Variants in BYSL observed in about 807,000 individuals in gnomAD.
BYSL encodes bystin.
In BYSL, 21 loss-of-function variants were observed where a neutral mutation model predicts 45.4. That is an observed-to-expected ratio of 0.46 (90% CI 0.33 to 0.67). The LOEUF is 0.67. Among genes scored for constraint, BYSL ranks in the 30% least tolerant of loss-of-function variants. The probability of loss-of-function intolerance (pLI) is 0.02; values close to 1 mark genes in which losing one functional copy is unlikely to be tolerated. For missense variants in BYSL, 522 were observed against 578.5 expected (o/e 0.90, Z 1.00); for synonymous variants, 215 against 231.3 (o/e 0.93, Z 0.64).
rs946138043 is a variant in BYSL at position 41,932,923 on chromosome 6, G to A, written c.*217G>A. On this transcript the variant is annotated 3_prime_UTR_variant, in exon 7 of 7. Transcript: ENST00000230340. This position sits in a 1 kb window ranked among gnomAD's most constrained non-coding sequence, Gnocchi z 4.7. ...GGCCCTTATCCCTGTTTAGTTCTGA[G>A]AGCCAACTTGAGATACCATATGCTA... The A allele has an allele frequency of 5.4e-6, 3 of 560,412 alleles. No homozygotes were observed. Among genetic ancestry groups the A allele is most frequent in the South Asian group, 2.4e-5 (1 of 40,874 alleles). The allele number at this position is 560,412 out of a possible 1,614,324, so 34.7% of individuals were successfully genotyped here. A position where few individuals can be genotyped will look rare whatever the true frequency, so the allele number is the denominator to read the frequency against.
At chr6:41,909,179 A>C in the BYSL span, 7 of 1,511,738 alleles carry the variant, frequency 4.6e-6, no homozygotes, top group Admixed American at 1.3e-4. Context: ...GTCTCAAAAA[A>C]AAAAAAAGAG....
rs556055188 is a variant in BYSL, at chr6:41,925,659, G to A, written c.269-1715G>A. On this transcript the variant is annotated intron_variant, in intron 1 of 6. Coordinates refer to ENST00000230340, the MANE Select transcript of BYSL (RefSeq NM_004053.4). ...ATTACAGGCGTGAGCCACCGCGCCCGGCCTATTTATTTTTATTTATTTATT... is the reference window on the plus strand; with the variant it reads ...ATTACAGGCGTGAGCCACCGCGCCCAGCCTATTTATTTTTATTTATTTATT... 4.9e-4 allele frequency among the ~76,000 whole-genome samples: 72 copies of A among 146,628 alleles called. 1 individual carries two copies. Among genetic ancestry groups the A allele is most frequent in the Non-Finnish European group, 8.4e-4 (56 of 66,310 alleles).
intron 2 of BYSL, among the ~76,000 whole-genome samples, chr6:41,929,847 A>T (rs1196510801): frequency 2.0e-5 from 3 of 152,216 alleles, no homozygotes; most frequent in Non-Finnish European, 4.4e-5. Flanking sequence ...GTGAGCCAGG[A>T]TTTGAACCTG....
Position 41,932,398 on chromosome 6 carries a change from G to A in BYSL, c.1006G>A (p.Gly336Ser), listed in dbSNP as rs985443508. 6.8e-6 allele frequency: 11 copies of A among 1,613,222 alleles called. 1 individual carries two copies. Among genetic ancestry groups the A allele is most frequent in the South Asian group, 5.5e-5 (5 of 91,076 alleles). Residue 336 changes from glycine (G) to serine (S), a missense_variant, in exon 7 of 7, where the codon GGT becomes AGT. Transcript: ENST00000230340. This position sits in a 1 kb window ranked among gnomAD's most constrained non-coding sequence, Gnocchi z 4.7. The stretch of plus-strand genomic sequence containing the variant: ...GAAAATTGCTGAGATGGAATACAGC[G>A]GTGCCAACAGCATCTTCCTGCGACT... Reference protein sequence around the residue: ...MLKIAEMEYSGANSIFLRLLL... With the variant: ...MLKIAEMEYSSANSIFLRLLL...
upstream of BYSL, among the ~76,000 whole-genome samples, chr6:41,918,222 T>A (rs112423500): frequency 8.9e-3 from 1,358 of 152,174 alleles, 27 homozygotes; most frequent in African/African-American, 0.031. Flanking sequence ...ATGAGGAAAC[T>A]GCCGGGCATG....
chr6:41,917,828 G>A, upstream of BYSL: 1 of 469,490 alleles, frequency 2.1e-6, no homozygotes, highest in Non-Finnish European at 4.4e-6. Flanking sequence ...CAGCACAGTA[G>A]CCCAGAGCCA....
chr6:41,928,134 A>T (rs1303889064), intron 2 of BYSL, among the ~76,000 whole-genome samples: 1 of 152,164 alleles, frequency 6.6e-6, no homozygotes, highest in Non-Finnish European at 1.5e-5. Flanking sequence ...ATTTATTCCC[A>T]TCTATAATAA....
At chr6:41,913,107 CAAA>C in the BYSL span, 8 of 83,384 alleles carry the variant, frequency 9.6e-5, no homozygotes, top group Admixed American at 1.3e-4. Context: ...GACCCTGTCT[CAAA>C]AAAAAAAAAA....
At chr6:41,916,940 C>A (rs1229466287), upstream of BYSL, 2 of 1,613,782 alleles carry the variant, frequency 1.2e-6, no homozygotes, top group African/African-American at 2.7e-5. Context: ...CTGGGACACA[C>A]TGGAAAGGAG....
At position 41,928,831 on chromosome 6, in the gene BYSL, G is replaced by A. The variant is rs118025884; in HGVS notation, c.431+1295G>A. On this transcript the variant is annotated intron_variant, in intron 2 of 6. Coordinates refer to ENST00000230340, the MANE Select transcript of BYSL (RefSeq NM_004053.4). ...AACCTGAGGCCCAGTTCCCATGTCT[G>A]CATAAGTTTCCGTGTCCTATAAGTG... Among the ~76,000 whole-genome samples the A allele has an allele frequency of 2.8e-4, 42 of 152,308 alleles. No homozygotes were observed. In the East Asian group the frequency reaches 7.5e-3, roughly 27 times the overall value.
the BYSL span, chr6:41,908,942 G>T: frequency 1.6e-5 from 6 of 375,986 alleles, no homozygotes; most frequent in Middle Eastern, 6.8e-4. Flanking sequence ...CAGCACTTTG[G>T]GGGGCTGAGA....
At position 41,932,909 on chromosome 6, in the gene BYSL, CTGTT is replaced by C. The variant is rs1292265849; in HGVS notation, c.*205_*208del. 1 of 597,472 alleles carries C rather than the reference CTGTT, an allele frequency of 1.7e-6. No homozygotes were observed. Among genetic ancestry groups the C allele is most frequent in the African/African-American group, 1.9e-5 (1 of 53,764 alleles). The allele number at this position is 597,472 out of a possible 1,614,324, so 37.0% of individuals were successfully genotyped here. A position where few individuals can be genotyped will look rare whatever the true frequency, so the allele number is the denominator to read the frequency against. On this transcript the variant is annotated 3_prime_UTR_variant, in exon 7 of 7. Transcript: ENST00000230340. The surrounding 1 kb of genome is among the most constrained non-coding windows in gnomAD (Gnocchi z 4.7). ...CCTCTTCCATTCTAGGCCCTTATCC[CTGTT>C]TAGTTCTGAGAGCCAACTTGAGATA...
upstream of BYSL, among the ~76,000 whole-genome samples, chr6:41,920,359 C>G (rs1442375563): frequency 6.6e-6 from 1 of 152,086 alleles, no homozygotes; most frequent in African/African-American, 2.4e-5. Flanking sequence ...GAGGGAAGAG[C>G]AGGCGAAAAT....
chr6:41,921,291 C>T (rs946177010), upstream of BYSL: 1 of 604,940 alleles, frequency 1.7e-6, no homozygotes, highest in Non-Finnish European at 2.8e-6. Context: ...TCTAGGCCTA[C>T]ATCCATGAAG....
chr6:41,920,256 T>C (rs1775425437), upstream of BYSL, among the ~76,000 whole-genome samples: 1 of 152,200 alleles, frequency 6.6e-6, no homozygotes, highest in South Asian at 2.1e-4. Context: ...CATGATCTCC[T>C]TATTATCAAT....
At position 41,924,154 on chromosome 6, in the gene BYSL, G is replaced by A. The variant is rs1054488626; in HGVS notation, c.268+2324G>A. 6.6e-5 allele frequency among the ~76,000 whole-genome samples: 10 copies of A among 150,768 alleles called. No individual in the cohort carries two copies. In the East Asian group the frequency reaches 1.8e-3, roughly 27 times the overall value. ...CGGCTCACTGCAACCTCCACCTCCC[G>A]GGTTCAAGCGATTCTCCTGCCTCAG... On this transcript the variant is annotated intron_variant, in intron 1 of 6. Transcript: ENST00000230340.
At chr6:41,928,127 T>C (rs1775589121) in intron 2 of BYSL, among the ~76,000 whole-genome samples, 1 of 152,182 alleles carries the variant, frequency 6.6e-6, no homozygotes, top group African/African-American at 2.4e-5. Flanking sequence ...ACCACTAATT[T>C]ATTCCCATCT....
At chr6:41,923,672 G>A (rs77491476) in intron 1 of BYSL, among the ~76,000 whole-genome samples, 2 of 152,102 alleles carry the variant, frequency 1.3e-5, no homozygotes, top group Non-Finnish European at 2.9e-5. Flanking sequence ...GGGCTCAAAC[G>A]ACCCTCCCTG....
Position 41,930,666 on chromosome 6 carries a change from C to G in BYSL, c.602C>G (p.Pro201Arg), listed in dbSNP as rs1280941098. 1 of 1,613,556 alleles carries G rather than the reference C, an allele frequency of 6.2e-7. No homozygotes were observed. The highest frequency in any genetic ancestry group is 1.1e-5 in the South Asian group (1 of 90,992). The change falls in exon 4 of 7, where the codon CCC (proline) becomes CGC (arginine). Residue 201 changes from proline to arginine, a missense_variant. By Grantham distance (103) the Pro-to-Arg change is moderately radical (BLOSUM62 -2). Coordinates refer to ENST00000230340, the MANE Select transcript of BYSL (RefSeq NM_004053.4). ...TCTAAGTACCGCAGTGGAAAACTGC[C>G]CAAGGCATTTAAGATCATCCCTGCA... ...VLSKYRSGKL[P>R]KAFKIIPALS...
Sources: allele counts gnomAD v4.1 joint callset (sites outside exome capture counted in the v4.1 genomes callset), GRCh38; gene constraint gnomAD v4.1.1; non-coding constraint Gnocchi (gnomAD v3.1); transcripts MANE v1.5; gene names NCBI Gene and HGNC (gene_info 2026-07-23, HGNC 2026-07-21).